Variants in LRP12 observed in about 807,000 individuals in gnomAD.
LRP12 encodes the protein LDL receptor related protein 12, also known as low-density lipoprotein receptor-related protein 12.
A neutral mutation model predicts 66.0 loss-of-function variants in LRP12; 14 were observed. The ratio of observed to expected loss-of-function variants is 0.21; its 90% CI spans 0.14 to 0.33. The LOEUF (loss-of-function observed/expected upper bound fraction) is 0.33, where lower values mean the gene tolerates loss of function less well. LRP12 is among the 10% of genes least tolerant of loss of function. The probability of loss-of-function intolerance (pLI) is 1.00; values close to 1 mark genes in which losing one functional copy is unlikely to be tolerated. For missense variants in LRP12, 889 were observed against 1,053.4 expected, an observed-to-expected ratio of 0.84 and a Z score of 2.16; for synonymous variants, 357 against 359.1, an observed-to-expected ratio of 0.99 and a Z score of 0.07.
chr8:104,495,150 G>A lies in LRP12; in HGVS notation c.1640C>T (p.Pro547Leu). The change falls in exon 6 of 7, where the codon CCC becomes CTC. Residue 547 changes from proline to leucine, a missense_variant. Coordinates refer to ENST00000276654, the MANE Select transcript of LRP12 (RefSeq NM_013437.5). ...CTGAGCAATCAATTGTCCATACGAG[G>A]GAGGAGCTTCTCTTCTTAACAATTC... ...EAELLRREAP[P>L]SYGQLIAQGL... 1.2e-6 allele frequency: 2 copies of A among 1,613,666 alleles called. No individual in the cohort carries two copies. Among genetic ancestry groups the A allele is most frequent in the African/African-American group, 2.7e-5 (2 of 75,034 alleles).
intron 1 of LRP12, among the ~76,000 whole-genome samples, chr8:104,565,768 G>A (rs184533271): frequency 6.1e-4 from 92 of 151,752 alleles, no homozygotes; most frequent in African/African-American, 2.2e-3. Flanking sequence ...GGCTGAGGCA[G>A]GAGAGTGGCG....
Position 104,491,286 on chromosome 8 carries a change from T to C in LRP12, c.1967A>G (p.Asp656Gly). 1.2e-6 allele frequency: 2 copies of C among 1,614,198 alleles called. No individual in the cohort carries two copies. Among genetic ancestry groups the C allele is most frequent in the Non-Finnish European group, 1.7e-6 (2 of 1,180,036 alleles). ...SLFSVESDDT[D>G]TENERRDMAG... ...CATATCTCTTCTCTCATTTTCTGTG[T>C]CTGTATCATCAGACTCCACGGAAAA... The change falls in exon 7 of 7, where the codon GAC (aspartate) becomes GGC (glycine). Residue 656 changes from aspartate (D) to glycine (G), a missense_variant. Coordinates refer to ENST00000276654, the MANE Select transcript of LRP12 (RefSeq NM_013437.5).
At chr8:104,499,264 A>G in intron 4 of LRP12, 53 bp downstream of exon 4, 1 of 1,368,392 alleles carries the variant, frequency 7.3e-7, no homozygotes, top group Non-Finnish European at 1.0e-6. Context: ...GAAGTGACAG[A>G]GCAGTTAATA....
At chr8:104,572,114 A>T (rs1812088037) in intron 1 of LRP12, among the ~76,000 whole-genome samples, 1 of 152,284 alleles carries the variant, frequency 6.6e-6, no homozygotes, top group African/African-American at 2.4e-5. Flanking sequence ...AATGTGCATG[A>T]ATCTCCAAGA....
chr8:104,495,252 G>A (rs755882422), intron 5 of LRP12, 43 bp from the exon 6 acceptor site: 10 of 1,572,464 alleles, frequency 6.4e-6, no homozygotes, highest in South Asian at 4.6e-5. Context: ...AAGGGGGAGC[G>A]AAGAAAAAGA....
At chr8:104,499,221 A>C (rs1810785952) in intron 4 of LRP12, 96 bp downstream of exon 4, 2 of 969,518 alleles carry the variant, frequency 2.1e-6, no homozygotes, top group Admixed American at 2.6e-5. Flanking sequence ...GCCTACTCCT[A>C]ATTAAATGAA....
Position 104,497,596 on chromosome 8 carries a change from T to A in LRP12, c.956A>T (p.Asp319Val), listed in dbSNP as rs142795507. ...TGYGDYVKIY[D>V]GLEENPHKLL... ...CTTGTGTGGATTCTCCTCTAATCCA[T>A]CATATATTTTGACATAATCACCATA... The change falls in exon 5 of 7, where the codon GAT becomes GTT. Residue 319 changes from aspartate (D) to valine (V), a missense_variant. By Grantham distance (152) the Asp-to-Val change is radical (BLOSUM62 -3). Coordinates refer to ENST00000276654, the MANE Select transcript of LRP12 (RefSeq NM_013437.5). This position sits in a 1 kb window ranked among gnomAD's most constrained non-coding sequence, Gnocchi z 4.3. 6.2e-7 allele frequency: 1 copy of A among 1,613,860 alleles called. No individual in the cohort carries two copies. Among genetic ancestry groups the A allele is most frequent in the Admixed American group, 1.7e-5 (1 of 59,968 alleles).
intron 1 of LRP12, among the ~76,000 whole-genome samples, chr8:104,557,320 G>A (rs951742905): frequency 3.9e-5 from 6 of 152,102 alleles, no homozygotes; most frequent in African/African-American, 1.4e-4. Flanking sequence ...ATCCAAATTG[G>A]TAAAAAGGGA....
chr8:104,587,976 T>G (rs569652183), intron 1 of LRP12, among the ~76,000 whole-genome samples: 1 of 152,218 alleles, frequency 6.6e-6, no homozygotes, highest in Non-Finnish European at 1.5e-5. Context: ...TAGATGTTCT[T>G]TGCAATTAAT....
chr8:104,525,049 T>C (rs111871960), intron 2 of LRP12, among the ~76,000 whole-genome samples: 2,730 of 152,214 alleles, frequency 0.018, 87 homozygotes, highest in African/African-American at 0.061. Context: ...AAGAAACATA[T>C]AATTTAGACA....
intron 1 of LRP12, among the ~76,000 whole-genome samples, chr8:104,539,308 T>TA (rs1564139170): frequency 4.6e-5 from 7 of 152,304 alleles, no homozygotes; most frequent in African/African-American, 1.7e-4. Context: ...TCTAAAATAT[T>TA]AGTGGATGAA....
chr8:104,491,386 C>G lies in LRP12; in HGVS notation c.1867G>C (p.Ala623Pro). 6.2e-7 allele frequency: 1 copy of G among 1,614,074 alleles called. No individual in the cohort carries two copies. Among genetic ancestry groups the G allele is most frequent in the Non-Finnish European group, 8.5e-7 (1 of 1,180,004 alleles). ...RHSGSLALVS[A>P]DGDEVVPSQS... is the part of the protein sequence containing the mutation. ...CTAGGGACAACCTCATCTCCATCTG[C>G]TGAGACCAAAGCCAATGACCCAGAA... The change falls in exon 7 of 7, where the codon GCA (alanine) becomes CCA (proline). Residue 623 changes from alanine to proline, a missense_variant. Ala to Pro is a conservative substitution (Grantham distance 27). Coordinates refer to ENST00000276654, the MANE Select transcript of LRP12 (RefSeq NM_013437.5).
Position 104,500,374 on chromosome 8 carries a change from A to G in LRP12, c.273-855T>C, listed in dbSNP as rs563861500. Among the ~76,000 whole-genome samples, 50 of 152,292 alleles carry G rather than the reference A, an allele frequency of 3.3e-4. 1 individual carries two copies. The highest frequency in any genetic ancestry group is 2.3e-3 in the East Asian group (12 of 5,172). On this transcript the variant is annotated intron_variant, in intron 3 of 6. Coordinates refer to ENST00000276654, the MANE Select transcript of LRP12 (RefSeq NM_013437.5). Reference sequence around the variant, plus strand: ...AATAACTAACAAAAGCTGATAGACAATTTGATTGTTTCCAGGTTTGCACTA... The same window carrying G: ...AATAACTAACAAAAGCTGATAGACAGTTTGATTGTTTCCAGGTTTGCACTA...
At position 104,588,961 on chromosome 8, in the gene LRP12, ACGACGCCGACGCCGCCGCCGCCGCCGC is replaced by A. The variant is rs1359255776; in HGVS notation, c.-91_-65del. 3.1e-6 allele frequency: 3 copies of A among 963,692 alleles called. No homozygotes were observed. The African/African-American group carries it at 1.2e-4, about 39-fold the overall frequency. The allele number at this position is 963,692 out of a possible 1,614,324, so 59.7% of individuals were successfully genotyped here. ...AGGAGGGAGGAGAAGCTGGAGGTAG[ACGACGCCGACGCCGCCGCCGCCGCCGC>A]CGCCGCCGCCGAGCCACCGGCTGCT... On this transcript the variant is annotated 5_prime_UTR_variant, in exon 1 of 7. Coordinates refer to ENST00000276654, the MANE Select transcript of LRP12 (RefSeq NM_013437.5).
intron 2 of LRP12, among the ~76,000 whole-genome samples, chr8:104,510,033 T>C (rs1186255432): frequency 1.3e-5 from 2 of 152,206 alleles, no homozygotes; most frequent in African/African-American, 2.4e-5. Context: ...ATTACTGGCT[T>C]TGGCCATGGA....
chr8:104,534,539 C>A (rs1339036621), intron 1 of LRP12, among the ~76,000 whole-genome samples: 2 of 151,862 alleles, frequency 1.3e-5, no homozygotes, highest in Non-Finnish European at 2.9e-5. Flanking sequence ...TGGTAAATAT[C>A]ATGCTAATTA....
intron 2 of LRP12, among the ~76,000 whole-genome samples, chr8:104,528,232 T>C (rs1260946733): frequency 2.0e-5 from 3 of 151,928 alleles, no homozygotes; most frequent in Admixed American, 2.0e-4. Flanking sequence ...GCAAATGGAG[T>C]AGCAGAGGTG....
intron 2 of LRP12, among the ~76,000 whole-genome samples, chr8:104,510,516 C>G (rs1194969234): frequency 6.6e-6 from 1 of 152,168 alleles, no homozygotes; most frequent in Non-Finnish European, 1.5e-5. Flanking sequence ...ATATAGTTAA[C>G]ATTATCCAGA....
At chr8:104,565,493 T>C (rs1040201374) in intron 1 of LRP12, among the ~76,000 whole-genome samples, 2 of 152,182 alleles carry the variant, frequency 1.3e-5, no homozygotes, top group African/African-American at 4.8e-5. Context: ...TGGAATTCCA[T>C]ATCCAGCCAA....
Sources: allele counts gnomAD v4.1 joint callset (sites outside exome capture counted in the v4.1 genomes callset), GRCh38; gene constraint gnomAD v4.1.1; non-coding constraint Gnocchi (gnomAD v3.1); transcripts MANE v1.5; gene names NCBI Gene and HGNC (gene_info 2026-07-23, HGNC 2026-07-21).